Variants in BCR observed in about 807,000 individuals in gnomAD.
BCR encodes breakpoint cluster region protein.
Under a neutral mutation model 138.6 loss-of-function variants are expected in BCR, and 58 were observed. The ratio of observed to expected loss-of-function variants is 0.42; its 90% CI spans 0.34 to 0.52. The LOEUF is 0.52. Ranked by LOEUF, BCR falls within the 20% of genes least tolerant of loss-of-function variation. The pLI, the probability that BCR is intolerant of heterozygous loss-of-function variation, is 0.06. For synonymous variants in BCR, 786 were observed against 730.1 expected, an observed-to-expected ratio of 1.08 and a Z score of -1.23; for missense variants, 1,599 against 1,727.2, an observed-to-expected ratio of 0.93 and a Z score of 1.32.
chr22:23,234,972 G>A (rs542619977), intron 1 of BCR, among the ~76,000 whole-genome samples: 1 of 144,140 alleles, frequency 6.9e-6, no homozygotes, highest in African/African-American at 2.4e-5. Context: ...CCCCGACTCT[G>A]TGGCCACACA....
intron 1 of BCR, among the ~76,000 whole-genome samples, chr22:23,221,172 C>T (rs2054239483): frequency 6.6e-6 from 1 of 152,216 alleles, no homozygotes; most frequent in African/African-American, 2.4e-5. Context: ...ACTATTTGCT[C>T]CCTCTTTTAC....
chr22:23,284,140 C>T, intron 9 of BCR, 42 bp downstream of exon 9: 1 of 1,608,428 alleles, frequency 6.2e-7, no homozygotes, highest in Non-Finnish European at 8.5e-7. Context: ...TGACCCCACC[C>T]TGACTCTCCA....
chr22:23,293,187 G>A (rs5751621), intron 15 of BCR, among the ~76,000 whole-genome samples: 7,723 of 152,242 alleles, frequency 0.051, 244 homozygotes, highest in Middle Eastern at 0.11. Context: ...AGAGAGGCCC[G>A]TATTGACTAA....
chr22:23,212,429 C>T (rs1044052189), intron 1 of BCR, among the ~76,000 whole-genome samples: 1 of 152,198 alleles, frequency 6.6e-6, no homozygotes, highest in Non-Finnish European at 1.5e-5. Flanking sequence ...ACCCATTGCT[C>T]AGGACCCCAG....
chr22:23,267,757 G>C (rs2073460509), intron 4 of BCR, among the ~76,000 whole-genome samples: 1 of 152,212 alleles, frequency 6.6e-6, no homozygotes, highest in Non-Finnish European at 1.5e-5. Flanking sequence ...GTGTGTCTGA[G>C]CTGGAGGTGC....
At chr22:23,286,853 AAGGC>A (rs755008300) in intron 10 of BCR, among the ~76,000 whole-genome samples, 17 of 152,182 alleles carry the variant, frequency 1.1e-4, no homozygotes, top group Non-Finnish European at 2.2e-4. Flanking sequence ...GGGAAAATGA[AAGGC>A]AGGGATGTTG....
At position 23,315,552 on chromosome 22, in the gene BCR, A is replaced by G. The variant is rs1327326970; in HGVS notation, c.*30A>G. ...CCCAGTCCATCTCCTGGAGGCGGAC[A>G]GATGGCCTGGAAACCTCTGGCTAAT... On this transcript the variant is annotated 3_prime_UTR_variant, in exon 23 of 23. Coordinates refer to ENST00000305877, the MANE Select transcript of BCR (RefSeq NM_004327.4). 1.3e-6 allele frequency: 2 copies of G among 1,599,362 alleles called. No individual in the cohort carries two copies. The highest frequency in any genetic ancestry group is 1.3e-5 in the African/African-American group (1 of 74,580).
intron 1 of BCR, among the ~76,000 whole-genome samples, chr22:23,185,052 G>A (rs1473266114): frequency 6.6e-6 from 1 of 152,140 alleles, no homozygotes; most frequent in Non-Finnish European, 1.5e-5. Context: ...CCTCAAGGGA[G>A]GGGGCTGAAG....
chr22:23,287,402 C>T (rs2073728378), intron 11 of BCR, 124 bp downstream of exon 11: 3 of 1,383,378 alleles, frequency 2.2e-6, no homozygotes, highest in African/African-American at 2.9e-5. Context: ...CGGCATGGTG[C>T]ATGCAAGCAC....
chr22:23,258,110 T>G (rs1007552696), intron 2 of BCR, among the ~76,000 whole-genome samples: 6 of 152,132 alleles, frequency 3.9e-5, no homozygotes, highest in African/African-American at 1.4e-4. Context: ...AGCCCAGATC[T>G]TGATGGCTGT....
chr22:23,308,351 G>T (rs890197400), intron 16 of BCR, among the ~76,000 whole-genome samples: 1 of 152,044 alleles, frequency 6.6e-6, no homozygotes, highest in African/African-American at 2.4e-5. Flanking sequence ...TGTCGCCCAG[G>T]CTGGAGTGCA....
intron 14 of BCR, among the ~76,000 whole-genome samples, chr22:23,291,457 A>G (rs1602111159): frequency 6.6e-6 from 1 of 152,112 alleles, no homozygotes; most frequent in Admixed American, 6.5e-5. Context: ...CCTTCATAAC[A>G]TAATCTTTCT....
intron 1 of BCR, among the ~76,000 whole-genome samples, chr22:23,243,236 G>A (rs1224272429): frequency 5.9e-5 from 9 of 152,128 alleles, no homozygotes; most frequent in East Asian, 5.8e-4. Flanking sequence ...ATAGCTGTGG[G>A]ACGGGGCTGG....
At chr22:23,264,289 A>T in intron 4 of BCR, 1 of 929,616 alleles carries the variant, frequency 1.1e-6, no homozygotes, top group South Asian at 1.3e-5. Context: ...TACTGCCTGC[A>T]TCTCACCACC....
intron 8 of BCR, among the ~76,000 whole-genome samples, chr22:23,274,168 C>T (rs3788358): frequency 0.35 from 52,482 of 152,048 alleles, 10,230 homozygotes; most frequent in African/African-American, 0.52. Context: ...TCCTACTTCC[C>T]CCTGAGTGCT....
intron 2 of BCR, among the ~76,000 whole-genome samples, chr22:23,260,506 G>A (rs1479065496): frequency 6.6e-6 from 1 of 151,828 alleles, no homozygotes; most frequent in Non-Finnish European, 1.5e-5. Context: ...CAGGTGAGGC[G>A]GGCCCCAGGT....
At chr22:23,262,855 G>A (rs904792313) in intron 4 of BCR, 5 of 1,044,916 alleles carry the variant, frequency 4.8e-6, no homozygotes, top group South Asian at 3.9e-5. Flanking sequence ...AGGGAAGCCC[G>A]GGCCGCAGAC....
At chr22:23,203,052 G>C (rs1042012828) in intron 1 of BCR, among the ~76,000 whole-genome samples, 2 of 152,092 alleles carry the variant, frequency 1.3e-5, no homozygotes, top group African/African-American at 4.8e-5. Context: ...TAGAGACAGG[G>C]TCTTGCTGTG....
intron 11 of BCR, 98 bp downstream of exon 11, chr22:23,287,376 C>CT (rs1244188771): frequency 1.4e-6 from 2 of 1,429,794 alleles, no homozygotes; most frequent in African/African-American, 2.9e-5. Context: ...GCGCCCCACT[C>CT]TGAGAGAGGC....
Sources: allele counts gnomAD v4.1 joint callset (sites outside exome capture counted in the v4.1 genomes callset), GRCh38; gene constraint gnomAD v4.1.1; transcripts MANE v1.5; gene names NCBI Gene and HGNC (gene_info 2026-07-23, HGNC 2026-07-21).